The following PTPRJ variants were observed in gnomAD, a reference collection of about 807,000 sequenced individuals.
PTPRJ encodes protein tyrosine phosphatase receptor type J.
In PTPRJ, 129 loss-of-function variants were observed where a neutral mutation model predicts 141.3. That is an observed-to-expected ratio of 0.91 (90% CI 0.79 to 1.06). PTPRJ has a LOEUF of 1.06. PTPRJ is among the 50% of genes least tolerant of loss of function. The probability of loss-of-function intolerance (pLI) is 0.00; values close to 1 mark genes in which losing one functional copy is unlikely to be tolerated. For synonymous variants in PTPRJ, 610 were observed against 640.5 expected, an observed-to-expected ratio of 0.95 and a Z score of 0.72; for missense variants, 1,601 against 1,679.7, an observed-to-expected ratio of 0.95 and a Z score of 0.82.
intron 9 of PTPRJ, 49 bp from the exon 10 acceptor site, chr11:48,136,954 T>C: frequency 6.7e-7 from 1 of 1,485,986 alleles, no homozygotes; most frequent in East Asian, 2.3e-5. Context: ...GTCCTGGAAT[T>C]CTACTTAATC....
Position 48,007,845 on chromosome 11 carries a change from G to A in PTPRJ, c.96+26837G>A, listed in dbSNP as rs145678475. Among the ~76,000 whole-genome samples, 166 of 152,350 alleles carry A rather than the reference G, an allele frequency of 1.1e-3. 1 individual carries two copies. The highest frequency in any genetic ancestry group is 3.4e-3 in the African/African-American group (142 of 41,584). Reference sequence around the variant, plus strand: ...CCCAGAGCAGGAAGGGTCATTGAGGGTCATCTAATGCAAACCGTTTACTTT... The same window carrying A: ...CCCAGAGCAGGAAGGGTCATTGAGGATCATCTAATGCAAACCGTTTACTTT... On this transcript the variant is annotated intron_variant, in intron 1 of 24. Coordinates refer to ENST00000418331, the MANE Select transcript of PTPRJ (RefSeq NM_002843.4).
chr11:48,060,868 T>G (rs1030521908), intron 1 of PTPRJ, among the ~76,000 whole-genome samples: 2 of 152,216 alleles, frequency 1.3e-5, no homozygotes, highest in Non-Finnish European at 2.9e-5. Flanking sequence ...CCTTTGAGGG[T>G]GCAGAGGCTG....
intron 1 of PTPRJ, among the ~76,000 whole-genome samples, chr11:48,044,143 G>T (rs1854334581): frequency 6.6e-6 from 1 of 152,252 alleles, no homozygotes; most frequent in Non-Finnish European, 1.5e-5. Context: ...GGGCTGTGGG[G>T]GCTTTGGCCT....
chr11:48,024,186 A>C (rs1450465088), intron 1 of PTPRJ, among the ~76,000 whole-genome samples: 1 of 151,720 alleles, frequency 6.6e-6, no homozygotes, highest in Non-Finnish European at 1.5e-5. Context: ...CACCACACTT[A>C]CATTTTTTTT....
rs71045545 is a variant in PTPRJ at position 48,117,540 on chromosome 11, CAAAAAAAAAAAAAAAAAAAAAAA to C, written c.353-3450_353-3428del. On this transcript the variant is annotated intron_variant, in intron 3 of 24. Transcript: ENST00000418331. ...TGGGCAACAGAGCAAGATTCTGTCT[CAAAAAAAAAAAAAAAAAAAAAAA>C]AAAAAAAAAAAAGCAAGCTCATACC... 9.7e-4 allele frequency among the ~76,000 whole-genome samples: 19 copies of C among 19,676 alleles called. 1 individual carries two copies. The highest frequency in any genetic ancestry group is 3.9e-4 in the Non-Finnish European group (5 of 12,732). The allele number at this position is 19,676 out of a possible 152,430, so 12.9% of individuals were successfully genotyped here.
chr11:48,015,286 T>C (rs536971620), intron 1 of PTPRJ, among the ~76,000 whole-genome samples: 80 of 152,140 alleles, frequency 5.3e-4, no homozygotes, highest in African/African-American at 1.9e-3. Flanking sequence ...TTCTGTGTTA[T>C]GGGCACCGAG....
intron 2 of PTPRJ, among the ~76,000 whole-genome samples, chr11:48,111,333 T>A (rs7113840): frequency 0.99 from 139,455 of 141,122 alleles, 68,923 homozygotes; most frequent in Middle Eastern, 1. Flanking sequence ...GGTAGTTTTT[T>A]AAAAAATGTA....
intron 1 of PTPRJ, among the ~76,000 whole-genome samples, chr11:48,010,480 A>C (rs1854754197): frequency 6.6e-6 from 1 of 151,916 alleles, no homozygotes; most frequent in African/African-American, 2.4e-5. Context: ...GCGGCCCATT[A>C]GGTGCTCAGT....
chr11:48,010,689 C>T (rs970345864), intron 1 of PTPRJ, among the ~76,000 whole-genome samples: 4 of 151,348 alleles, frequency 2.6e-5, no homozygotes, highest in African/African-American at 9.7e-5. Context: ...AGGCATGCCA[C>T]CACGCCCAGG....
intron 1 of PTPRJ, among the ~76,000 whole-genome samples, chr11:47,983,196 T>C (rs901258182): frequency 1.1e-4 from 17 of 151,848 alleles, no homozygotes; most frequent in Admixed American, 2.0e-4. Context: ...TTTTTTTTTT[T>C]CCCGTGTTTT....
intron 1 of PTPRJ, among the ~76,000 whole-genome samples, chr11:48,020,766 C>T (rs1185901734): frequency 6.6e-6 from 1 of 152,188 alleles, no homozygotes; most frequent in Non-Finnish European, 1.5e-5. Flanking sequence ...TGTCCCTACT[C>T]TTCCTCCTGC....
Position 48,163,071 on chromosome 11 carries a change from T to TG in PTPRJ, c.3559-383dup, listed in dbSNP as rs1258688212. ...TGACATTCCCAGGGGGGCTCGGGGATGGGGCTCATGCAGCTCTAAGGAGGT... is the reference window on the plus strand; with the variant it reads ...TGACATTCCCAGGGGGGCTCGGGGATGGGGGCTCATGCAGCTCTAAGGAGGT... On this transcript the variant is annotated intron_variant, in intron 22 of 24. Coordinates refer to ENST00000418331, the MANE Select transcript of PTPRJ (RefSeq NM_002843.4). Among the ~76,000 whole-genome samples, 5 of 152,154 alleles carry TG rather than the reference T, an allele frequency of 3.3e-5. No homozygotes were observed. In the East Asian group the frequency reaches 7.7e-4, roughly 23 times the overall value.
intron 1 of PTPRJ, among the ~76,000 whole-genome samples, chr11:48,014,154 G>A (rs774608030): frequency 3.2e-4 from 49 of 152,166 alleles, no homozygotes; most frequent in Admixed American, 3.3e-4. Context: ...CTATGGGGTA[G>A]TGGCCCCTTT....
chr11:48,124,793 C>T (rs1856796028), intron 5 of PTPRJ, among the ~76,000 whole-genome samples, 175 bp from the exon 6 acceptor site: 1 of 152,188 alleles, frequency 6.6e-6, no homozygotes, highest in Non-Finnish European at 1.5e-5. Context: ...ATGGAGCTAT[C>T]AGGCCTTTTT....
intron 1 of PTPRJ, among the ~76,000 whole-genome samples, chr11:48,075,136 TTTAG>T (rs933027603): frequency 1.0e-3 from 158 of 152,256 alleles, no homozygotes; most frequent in South Asian, 3.3e-3. Flanking sequence ...TATTTATTTA[TTTAG>T]TTAGTTAGTT....
rs376743886 is a variant in PTPRJ, at chr11:48,150,140, A to G, written c.3095A>G (p.Lys1032Arg). 3.8e-5 allele frequency: 61 copies of G among 1,614,062 alleles called. No homozygotes were observed. The highest frequency in any genetic ancestry group is 1.1e-4 in the African/African-American group (8 of 74,936). Reference protein sequence around the residue: ...RVENFEAYFKKQQADSNCGFA... With the variant: ...RVENFEAYFKRQQADSNCGFA... ...GAGAATTTTGAGGCCTACTTCAAGA[A>G]GCAGCAAGCTGACTCCAACTGTGGG... The change falls in exon 18 of 25, where the codon AAG becomes AGG. Residue 1032 changes from lysine (K) to arginine (R), a missense_variant. Physicochemically the swap from Lys to Arg is conservative, Grantham distance 26. Coordinates refer to ENST00000418331, the MANE Select transcript of PTPRJ (RefSeq NM_002843.4).
intron 2 of PTPRJ, among the ~76,000 whole-genome samples, chr11:48,110,293 G>A (rs781771897): frequency 2.0e-5 from 3 of 151,980 alleles, no homozygotes; most frequent in African/African-American, 4.8e-5. Context: ...TGCAACCTCC[G>A]CCTCCCGGGT....
At chr11:48,006,026 G>T (rs533002983) in intron 1 of PTPRJ, among the ~76,000 whole-genome samples, 1 of 152,370 alleles carries the variant, frequency 6.6e-6, no homozygotes, top group African/African-American at 2.4e-5. Flanking sequence ...GCTGTGTGGT[G>T]CTGGAGAGAG....
At chr11:47,983,986 T>C (rs953652887) in intron 1 of PTPRJ, among the ~76,000 whole-genome samples, 1 of 152,244 alleles carries the variant, frequency 6.6e-6, no homozygotes, top group Non-Finnish European at 1.5e-5. Context: ...TTTTGACTCC[T>C]CTTTAAACTG....
Sources: gnomAD v4.1 joint callset for allele counts (sites outside exome capture counted in the v4.1 genomes callset) on GRCh38, gnomAD v4.1.1 for gene constraint, MANE v1.5 for transcripts, NCBI Gene and HGNC (gene_info 2026-07-23, HGNC 2026-07-21) for gene names.